Variants in CNST observed in about 807,000 individuals in gnomAD.
CNST encodes the protein consortin, connexin sorting protein.
A neutral mutation model predicts 72.4 loss-of-function variants in CNST; 39 were observed. The observed-to-expected ratio is 0.54, with a 90% CI of 0.42 to 0.70. The LOEUF is 0.70. CNST is among the 30% of genes least tolerant of loss of function. The probability of loss-of-function intolerance (pLI) is 0.00; values close to 1 mark genes in which losing one functional copy is unlikely to be tolerated. For synonymous variants in CNST, 332 were observed against 320.1 expected, an observed-to-expected ratio of 1.04 and a Z score of -0.40; for missense variants, 871 against 868.5, an observed-to-expected ratio of 1.00 and a Z score of -0.04.
intron 1 of CNST, among the ~76,000 whole-genome samples, chr1:246,571,527 A>G (rs1660069048): frequency 6.6e-6 from 1 of 151,994 alleles, no homozygotes; most frequent in Admixed American, 6.6e-5. Context: ...TATACCCTCC[A>G]CCCTTCCGTC....
intron 2 of CNST, among the ~76,000 whole-genome samples, chr1:246,614,664 G>A (rs1024339520): frequency 1.3e-5 from 2 of 152,110 alleles, no homozygotes; most frequent in African/African-American, 2.4e-5. Context: ...TTGGGACGGG[G>A]TTTCACCATG....
At chr1:246,567,688 G>A (rs1012139051) in intron 1 of CNST, among the ~76,000 whole-genome samples, 1 of 152,146 alleles carries the variant, frequency 6.6e-6, no homozygotes, top group Non-Finnish European at 1.5e-5. Context: ...AATTTGTTAG[G>A]ACATCATAGA....
intron 9 of CNST, among the ~76,000 whole-genome samples, chr1:246,653,190 G>A (rs1007360018): frequency 6.6e-6 from 1 of 152,122 alleles, no homozygotes; most frequent in Non-Finnish European, 1.5e-5. Flanking sequence ...GATTGCTCCT[G>A]GATTTGCCTT....
chr1:246,606,794 G>T (rs1260300565), intron 2 of CNST: 1 of 152,132 alleles, frequency 6.6e-6, no homozygotes, highest in Admixed American at 6.5e-5. Flanking sequence ...GGTGTTGCCC[G>T]CCTGCTTTGG....
intron 1 of CNST, among the ~76,000 whole-genome samples, chr1:246,575,242 A>G (rs994678450): frequency 2.0e-4 from 30 of 152,130 alleles, no homozygotes; most frequent in Admixed American, 1.0e-3. Context: ...CCTTTTGTCA[A>G]GTGTTCAGAC....
chr1:246,596,975 G>A (rs532716838), intron 2 of CNST, among the ~76,000 whole-genome samples: 1 of 152,296 alleles, frequency 6.6e-6, no homozygotes, highest in South Asian at 2.1e-4. Context: ...GCTGAGGGAT[G>A]TTTGGGTTCT....
intron 10 of CNST, among the ~76,000 whole-genome samples, chr1:246,664,651 C>G (rs980285845): frequency 4.6e-5 from 7 of 151,736 alleles, no homozygotes; most frequent in Admixed American, 3.9e-4. Context: ...TGGTCTCGAT[C>G]TCCTGACCTC....
intron 1 of CNST, among the ~76,000 whole-genome samples, chr1:246,584,180 G>A (rs1014812033): frequency 6.6e-6 from 1 of 152,196 alleles, no homozygotes; most frequent in African/African-American, 2.4e-5. Context: ...GGTCTCAAGC[G>A]ATCCTCGCAG....
chr1:246,603,430 A>G (rs1378598547), intron 2 of CNST, among the ~76,000 whole-genome samples: 1 of 152,054 alleles, frequency 6.6e-6, no homozygotes, highest in Admixed American at 6.5e-5. Context: ...TTTTGTCTTC[A>G]TTTGTTTAAA....
chr1:246,571,685 ATTTACTTATTTTAGAG>A (rs530888831), intron 1 of CNST, among the ~76,000 whole-genome samples: 71 of 152,162 alleles, frequency 4.7e-4, no homozygotes, highest in African/African-American at 1.2e-3. Context: ...TGTCATATTT[ATTTACTTATTTTAGAG>A]ATGAGGTCTC....
intron 2 of CNST, chr1:246,607,778 T>G (rs1411555203): frequency 6.6e-6 from 1 of 152,194 alleles, no homozygotes; most frequent in Non-Finnish European, 1.5e-5. Context: ...GGAGGAGTTA[T>G]TCATCCCCCC....
At chr1:246,634,637 A>C (rs1665030915) in intron 6 of CNST, 50 bp downstream of exon 6, 1 of 957,478 alleles carries the variant, frequency 1.0e-6, no homozygotes, top group Non-Finnish European at 1.6e-6. Flanking sequence ...AATATTGAAG[A>C]AGCATTATAG....
chr1:246,635,651 G>A (rs1665164673), intron 6 of CNST, among the ~76,000 whole-genome samples: 1 of 152,214 alleles, frequency 6.6e-6, no homozygotes, highest in African/African-American at 2.4e-5. Context: ...GGTGCATTTG[G>A]TTTTGTTGTC....
chr1:246,643,279 C>T (rs1404083973), intron 8 of CNST, among the ~76,000 whole-genome samples: 1 of 152,142 alleles, frequency 6.6e-6, no homozygotes, highest in Non-Finnish European at 1.5e-5. Context: ...AGGGATATTG[C>T]CTGGGGTCAG....
intron 1 of CNST, among the ~76,000 whole-genome samples, chr1:246,573,241 T>C (rs571113149): frequency 2.6e-5 from 4 of 152,320 alleles, no homozygotes; most frequent in South Asian, 2.1e-4. Context: ...ACCTGTAGCA[T>C]TGGATAAGCA....
intron 2 of CNST, among the ~76,000 whole-genome samples, chr1:246,616,017 T>A (rs145621847): frequency 3.3e-5 from 5 of 152,198 alleles, no homozygotes; most frequent in Non-Finnish European, 5.9e-5. Context: ...TAAATACTTA[T>A]AAATAGCATC....
intron 6 of CNST, among the ~76,000 whole-genome samples, chr1:246,639,313 G>A (rs1454544337): frequency 6.6e-6 from 1 of 152,166 alleles, no homozygotes; most frequent in Non-Finnish European, 1.5e-5. Context: ...CTTATGGAGA[G>A]GGCCTTTAGT....
At chr1:246,590,211 G>A (rs938796011) in intron 1 of CNST, among the ~76,000 whole-genome samples, 6 of 152,120 alleles carry the variant, frequency 3.9e-5, no homozygotes, top group Non-Finnish European at 7.4e-5. Context: ...TGAAAGGGTC[G>A]TGATAGATCG....
At chr1:246,631,599 T>C (rs1022419269) in intron 3 of CNST, among the ~76,000 whole-genome samples, 1 of 152,352 alleles carries the variant, frequency 6.6e-6, no homozygotes, top group Admixed American at 6.5e-5. Context: ...TCTCATTCTT[T>C]AGAGTCCTAA....
Sources: allele counts gnomAD v4.1 joint callset (sites outside exome capture counted in the v4.1 genomes callset), GRCh38; gene constraint gnomAD v4.1.1; transcripts MANE v1.5; gene names NCBI Gene and HGNC (gene_info 2026-07-23, HGNC 2026-07-21).